CHODL: variants seen among roughly 807,000 people sequenced by gnomAD.
CHODL encodes chondrolectin, also known as transmembrane protein MT75.
In CHODL, 29 loss-of-function variants were observed where a neutral mutation model predicts 34.5. The observed-to-expected ratio is 0.84, with a 90% CI of 0.63 to 1.15. The LOEUF is 1.15. Among genes scored for constraint, CHODL ranks in the 50% most tolerant of loss-of-function variants. The pLI is 0.00. For missense variants in CHODL, 332 were observed against 332.5 expected, an observed-to-expected ratio of 1.00 and a Z score of 0.01; for synonymous variants, 125 against 116.1, an observed-to-expected ratio of 1.08 and a Z score of -0.49.
intron 2 of CHODL, among the ~76,000 whole-genome samples, chr21:18,120,280 T>C (rs561011713): frequency 2.0e-5 from 3 of 152,280 alleles, no homozygotes; most frequent in African/African-American, 7.2e-5. Flanking sequence ...GGTGTATGCA[T>C]AAAAGACAAC....
At chr21:18,042,454 C>T (rs189062688) in intron 2 of CHODL, among the ~76,000 whole-genome samples, 11 of 151,894 alleles carry the variant, frequency 7.2e-5, no homozygotes, top group East Asian at 5.8e-4. Context: ...CAGAAAGAAG[C>T]CTTAGGGAAT....
intron 2 of CHODL, among the ~76,000 whole-genome samples, chr21:18,044,264 A>T (rs1303221032): frequency 6.6e-6 from 1 of 152,050 alleles, no homozygotes; most frequent in Non-Finnish European, 1.5e-5. Flanking sequence ...TGTGATTTCA[A>T]TAATTTCACA....
chr21:18,088,313 G>A (rs114510708), intron 2 of CHODL, among the ~76,000 whole-genome samples: 3 of 152,280 alleles, frequency 2.0e-5, no homozygotes, highest in African/African-American at 2.4e-5. Context: ...ACTTCCAGGG[G>A]TGTGTGAGAG....
chr21:17,934,814 CAAATT>C (rs1340704246), intron 1 of CHODL, among the ~76,000 whole-genome samples: 5 of 151,996 alleles, frequency 3.3e-5, no homozygotes, highest in Admixed American at 1.3e-4. Flanking sequence ...TTTTCTGAAA[CAAATT>C]AAAATTTGTA....
chr21:18,029,301 T>C (rs914571774), intron 2 of CHODL, among the ~76,000 whole-genome samples: 2 of 152,188 alleles, frequency 1.3e-5, no homozygotes, highest in Admixed American at 6.6e-5. Context: ...CTTTAATTTA[T>C]GGCATTAGAA....
At chr21:18,203,720 A>T (rs1447319054) in intron 2 of CHODL, among the ~76,000 whole-genome samples, 2 of 152,164 alleles carry the variant, frequency 1.3e-5, no homozygotes, top group African/African-American at 2.4e-5. Flanking sequence ...ATTTGACATT[A>T]ATCAAAGGAA....
chr21:18,178,169 A>G (rs186851801), intron 2 of CHODL, among the ~76,000 whole-genome samples: 1 of 152,194 alleles, frequency 6.6e-6, no homozygotes, highest in African/African-American at 2.4e-5. Flanking sequence ...ACTTTGTGAT[A>G]TAAATTTCCT....
At chr21:18,055,853 C>G (rs1046348647) in intron 2 of CHODL, among the ~76,000 whole-genome samples, 3 of 152,014 alleles carry the variant, frequency 2.0e-5, no homozygotes, top group African/African-American at 7.2e-5. Context: ...CCAAAAGATT[C>G]TTGGTCATCG....
chr21:18,048,220 G>A (rs1240615461), intron 2 of CHODL, among the ~76,000 whole-genome samples: 1 of 151,888 alleles, frequency 6.6e-6, no homozygotes, highest in Non-Finnish European at 1.5e-5. Flanking sequence ...AAATGATGGC[G>A]TTCTCATTTG....
chr21:18,215,866 G>T (rs1012476653), intron 2 of CHODL, among the ~76,000 whole-genome samples: 11 of 151,994 alleles, frequency 7.2e-5, no homozygotes, highest in African/African-American at 1.9e-4. Flanking sequence ...TAACTAAATT[G>T]GTCTCTCTGC....
intron 1 of CHODL, among the ~76,000 whole-genome samples, chr21:17,922,420 A>T (rs184198536): frequency 3.9e-5 from 6 of 152,302 alleles, no homozygotes; most frequent in African/African-American, 1.4e-4. Context: ...TGTGGCTGCA[A>T]TTACTACAGA....
intron 2 of CHODL, among the ~76,000 whole-genome samples, chr21:18,084,036 C>G (rs1183606902): frequency 6.6e-6 from 1 of 152,082 alleles, no homozygotes; most frequent in African/African-American, 2.4e-5. Context: ...AATTGTAATC[C>G]ACATGTGTCA....
chr21:17,991,005 C>G (rs904324164), intron 1 of CHODL, among the ~76,000 whole-genome samples: 2 of 152,088 alleles, frequency 1.3e-5, no homozygotes, highest in African/African-American at 4.8e-5. Flanking sequence ...GTCTAACTCT[C>G]TCCCTTTATG....
Position 18,196,995 on chromosome 21 carries a change from C to T in CHODL, c.-44-59514C>T, listed in dbSNP as rs572241299. Among the ~76,000 whole-genome samples the T allele has an allele frequency of 6.6e-5, 10 of 152,198 alleles. No homozygotes were observed. In the East Asian group the frequency reaches 1.7e-3, roughly 26 times the overall value. On this transcript the variant is annotated intron_variant, in intron 2 of 6. Transcript: ENST00000400127. ...CACGACACACACCCGTGCGTACACA[C>T]AAGCACACACACAAATAGTAACAAT...
At chr21:18,140,903 G>GT (rs1167935213) in intron 2 of CHODL, among the ~76,000 whole-genome samples, 11 of 149,804 alleles carry the variant, frequency 7.3e-5, no homozygotes, top group Admixed American at 2.0e-4. Flanking sequence ...GACGTGTATT[G>GT]TTTTTTTTTC....
chr21:18,053,802 G>C (rs2824619), intron 2 of CHODL, among the ~76,000 whole-genome samples: 1 of 151,594 alleles, frequency 6.6e-6, no homozygotes, highest in East Asian at 1.9e-4. Flanking sequence ...GCAGCCTCAT[G>C]TAAGACTGTA....
chr21:18,229,937 A>G (rs1156437870), intron 2 of CHODL, among the ~76,000 whole-genome samples: 1 of 152,152 alleles, frequency 6.6e-6, no homozygotes, highest in Non-Finnish European at 1.5e-5. Flanking sequence ...AGCCAATACC[A>G]TGAATTTTAG....
chr21:18,245,232 C>T lies in CHODL; in HGVS notation c.9C>T (p.Arg3=). The change falls in exon 1 of 6, where the codon CGC becomes CGT. Residue 3 remains arginine, a synonymous_variant. Transcript: ENST00000299295. ...GCTGCCACCGCGCCGCGATGAGCCGCGTGGTCTCGCTGCTGCTGGGCGCCG... is the reference window on the plus strand; with the variant it reads ...GCTGCCACCGCGCCGCGATGAGCCGTGTGGTCTCGCTGCTGCTGGGCGCCG... MS[R]VVSLLLGAAL... The T allele has an allele frequency of 6.6e-7, 1 of 1,522,238 alleles. No individual in the cohort carries two copies. The highest frequency in any genetic ancestry group is 1.2e-5 in the South Asian group (1 of 83,034). The allele number at this position is 1,522,238 out of a possible 1,614,324, so 94.3% of individuals were successfully genotyped here. A position where few individuals can be genotyped will look rare whatever the true frequency, so the allele number is the denominator to read the frequency against.
At chr21:17,926,099 C>T (rs371745253) in intron 1 of CHODL, among the ~76,000 whole-genome samples, 1 of 152,122 alleles carries the variant, frequency 6.6e-6, no homozygotes, top group South Asian at 2.1e-4. Context: ...GCAGCAAAAC[C>T]GCACTGCTCA....
Sources: allele counts gnomAD v4.1 joint callset (sites outside exome capture counted in the v4.1 genomes callset), GRCh38; gene constraint gnomAD v4.1.1; transcripts MANE v1.5; gene names NCBI Gene and HGNC (gene_info 2026-07-23, HGNC 2026-07-21).